Variants in FHOD3 observed in about 807,000 individuals in gnomAD.
The protein encoded by FHOD3 is formin homology 2 domain containing 3.
FHOD3 carries 90 observed loss-of-function variants against 173.0 expected under a neutral mutation model. That is an observed-to-expected ratio of 0.52 (90% CI 0.44 to 0.62). The LOEUF is 0.62. Ranked by LOEUF, FHOD3 falls within the 20% of genes least tolerant of loss-of-function variation. The pLI is 0.00. For synonymous variants in FHOD3, 828 were observed against 823.0 expected, an observed-to-expected ratio of 1.01 and a Z score of -0.10; for missense variants, 1,945 against 2,034.7, an observed-to-expected ratio of 0.96 and a Z score of 0.85.
chr18:36,480,007 T>TA (rs1488117651), intron 3 of FHOD3, among the ~76,000 whole-genome samples: 1 of 152,186 alleles, frequency 6.6e-6, no homozygotes, highest in Non-Finnish European at 1.5e-5. Flanking sequence ...TTAAAACAAT[T>TA]ACAGCCAGCC....
intron 3 of FHOD3, among the ~76,000 whole-genome samples, chr18:36,437,414 G>A (rs1473520582): frequency 6.6e-6 from 1 of 152,098 alleles, no homozygotes; most frequent in Non-Finnish European, 1.5e-5. Flanking sequence ...CTTTTGTTAT[G>A]TTTGTATTGT....
At chr18:36,702,821 T>C (rs1379730811) in intron 17 of FHOD3, among the ~76,000 whole-genome samples, 2 of 152,180 alleles carry the variant, frequency 1.3e-5, no homozygotes, top group Non-Finnish European at 2.9e-5. Flanking sequence ...TGTGTGCGCG[T>C]GTGTGTGTGC....
At chr18:36,528,439 T>G (rs139174350) in intron 5 of FHOD3, among the ~76,000 whole-genome samples, 1 of 152,292 alleles carries the variant, frequency 6.6e-6, no homozygotes, top group East Asian at 1.9e-4. Context: ...TTCTCAGAAA[T>G]AAAGCCTGTC....
chr18:36,668,308 T>A (rs1035965486), intron 14 of FHOD3, among the ~76,000 whole-genome samples: 1 of 152,166 alleles, frequency 6.6e-6, no homozygotes, highest in Non-Finnish European at 1.5e-5. Context: ...TATTGGAATG[T>A]AATTGTTCAG....
rs189098617 is a variant in FHOD3 at position 36,493,974 on chromosome 18, C to A, written c.338-7958C>A. On this transcript the variant is annotated intron_variant, in intron 3 of 28. Coordinates refer to ENST00000590592, the MANE Select transcript of FHOD3 (RefSeq NM_001281740.3). ...CTCACAGTTCAGCGATTTTTATAGACCCCAAAGCGTGATACTGTAGATGTA... is the reference window on the plus strand; with the variant it reads ...CTCACAGTTCAGCGATTTTTATAGAACCCAAAGCGTGATACTGTAGATGTA... Among the ~76,000 whole-genome samples, 21 of 152,274 alleles carry A rather than the reference C, an allele frequency of 1.4e-4. 1 individual carries two copies. Among genetic ancestry groups the A allele is most frequent in the Admixed American group, 1.2e-3 (19 of 15,296 alleles).
rs776870505 is a variant in FHOD3 at position 36,625,750 on chromosome 18, G to T, written c.1196+1G>T. 1.9e-6 allele frequency: 3 copies of T among 1,602,126 alleles called. No homozygotes were observed. In the South Asian group the frequency reaches 3.3e-5, roughly 18 times the overall value. On this transcript the variant is annotated splice_donor_variant, in intron 10 of 28. Transcript: ENST00000590592. LOFTEE classifies it high-confidence loss of function. ...ACCAAGTGCGAGATCTGCGTGAAAAGTAAGCATTAACTTGGCAGTGGAGAG... is the reference window on the plus strand; with the variant it reads ...ACCAAGTGCGAGATCTGCGTGAAAATTAAGCATTAACTTGGCAGTGGAGAG...
At chr18:36,653,794 A>G (rs2036228218) in intron 13 of FHOD3, among the ~76,000 whole-genome samples, 1 of 152,218 alleles carries the variant, frequency 6.6e-6, no homozygotes, top group African/African-American at 2.4e-5. Context: ...TGACCATTTC[A>G]TCTTAGATTA....
chr18:36,456,836 G>C (rs1369874737), intron 3 of FHOD3, among the ~76,000 whole-genome samples: 7 of 152,256 alleles, frequency 4.6e-5, no homozygotes, highest in African/African-American at 1.2e-4. Context: ...TCTGTCATGG[G>C]GTGACTTGCC....
intron 3 of FHOD3, among the ~76,000 whole-genome samples, chr18:36,458,357 A>G (rs2052344786): frequency 6.6e-6 from 1 of 152,156 alleles, no homozygotes; most frequent in Non-Finnish European, 1.5e-5. Context: ...TTGTATCCTT[A>G]TAAGGAGTAA....
chr18:36,445,814 G>A (rs1473292238), intron 3 of FHOD3, among the ~76,000 whole-genome samples: 4 of 152,180 alleles, frequency 2.6e-5, no homozygotes, highest in Non-Finnish European at 5.9e-5. Flanking sequence ...GGTAGTTGCA[G>A]CGAGGCTCCC....
chr18:36,350,381 C>T (rs1286690583), intron 1 of FHOD3, among the ~76,000 whole-genome samples: 3 of 152,210 alleles, frequency 2.0e-5, no homozygotes, highest in African/African-American at 7.2e-5. Context: ...CTTCCTGTTG[C>T]ACCGCTGTCA....
At chr18:36,693,945 G>GGT (rs1050431990) in intron 17 of FHOD3, among the ~76,000 whole-genome samples, 2 of 152,156 alleles carry the variant, frequency 1.3e-5, no homozygotes, top group African/African-American at 2.4e-5. Flanking sequence ...GTTGGATGTG[G>GGT]GTGTGTGTGT....
chr18:36,653,515 C>T (rs558424100), intron 13 of FHOD3, 99 bp downstream of exon 13: 4 of 857,176 alleles, frequency 4.7e-6, no homozygotes, highest in East Asian at 2.6e-5. Flanking sequence ...CTTCCTACAA[C>T]GTGACACACA....
intron 3 of FHOD3, among the ~76,000 whole-genome samples, chr18:36,487,642 A>G (rs1485953086): frequency 1.3e-5 from 2 of 152,246 alleles, no homozygotes; most frequent in Admixed American, 1.3e-4. Flanking sequence ...CTGCAATTGA[A>G]GTCTGGCAGA....
At chr18:36,463,947 TACTC>T (rs556752447) in intron 3 of FHOD3, among the ~76,000 whole-genome samples, 190 of 152,354 alleles carry the variant, frequency 1.2e-3, no homozygotes, top group African/African-American at 4.2e-3. Context: ...AATAATAAAA[TACTC>T]AAACATAAGA....
At chr18:36,641,652 A>G (rs1252859901) in intron 10 of FHOD3, among the ~76,000 whole-genome samples, 2 of 152,062 alleles carry the variant, frequency 1.3e-5, no homozygotes, top group Admixed American at 6.6e-5. Flanking sequence ...CTTTGCACAT[A>G]AGTGCTCAAT....
intron 3 of FHOD3, among the ~76,000 whole-genome samples, chr18:36,429,525 G>T (rs980215441): frequency 6.6e-6 from 1 of 152,138 alleles, no homozygotes; most frequent in Non-Finnish European, 1.5e-5. Context: ...ATTTTTATTT[G>T]CCACATGCGA....
chr18:36,356,930 A>G (rs1167617099), intron 2 of FHOD3, among the ~76,000 whole-genome samples: 1 of 152,098 alleles, frequency 6.6e-6, no homozygotes, highest in Non-Finnish European at 1.5e-5. Context: ...CACCATACCC[A>G]GCCTACTTCT....
In FHOD3 at chr18:36,396,876, A is replaced by ATT. The variant is rs11431532; in HGVS notation, c.337+24141_337+24142dup. On this transcript the variant is annotated intron_variant, in intron 3 of 28. Coordinates refer to ENST00000590592, the MANE Select transcript of FHOD3 (RefSeq NM_001281740.3). ...ACTTTTAGCAGGAGGCTTGGTTCACATTTTTTTTTTAACTTCACAGACATC... is the reference window on the plus strand; with the variant it reads ...ACTTTTAGCAGGAGGCTTGGTTCACATTTTTTTTTTTTAACTTCACAGACATC... Among the ~76,000 whole-genome samples the ATT allele has an allele frequency of 1.9e-3, 293 of 150,290 alleles. 2 individuals carry two copies. The highest frequency in any genetic ancestry group is 5.8e-3 in the African/African-American group (237 of 41,110).
Sources: allele counts gnomAD v4.1 joint callset (sites outside exome capture counted in the v4.1 genomes callset), GRCh38; gene constraint gnomAD v4.1.1; transcripts MANE v1.5; gene names NCBI Gene and HGNC (gene_info 2026-07-23, HGNC 2026-07-21).